The following PCSK2 variants were observed in gnomAD, a reference collection of about 807,000 sequenced individuals.
PCSK2 encodes the protein neuroendocrine convertase 2.
PCSK2 carries 14 observed loss-of-function variants against 69.7 expected under a neutral mutation model. The observed-to-expected ratio is 0.20, with a 90% CI of 0.13 to 0.31. The LOEUF (loss-of-function observed/expected upper bound fraction) is 0.31, where lower values mean the gene tolerates loss of function less well. Among genes scored for constraint, PCSK2 ranks in the 10% least tolerant of loss-of-function variants. The pLI, the probability that PCSK2 is intolerant of heterozygous loss-of-function variation, is 1.00. For missense variants in PCSK2, 544 were observed against 842.5 expected (o/e 0.65, Z 4.39); for synonymous variants, 307 against 320.7 (o/e 0.96, Z 0.46).
chr20:17,265,465 A>C (rs1045296821), intron 2 of PCSK2, among the ~76,000 whole-genome samples: 3 of 152,192 alleles, frequency 2.0e-5, no homozygotes, highest in African/African-American at 7.2e-5. Context: ...TGTTTTATTG[A>C]AGGAAAAAAA....
At chr20:17,329,458 T>C (rs1325305081) in intron 2 of PCSK2, among the ~76,000 whole-genome samples, 1 of 152,264 alleles carries the variant, frequency 6.6e-6, no homozygotes, top group African/African-American at 2.4e-5. Context: ...TATAGAGTTC[T>C]ACTGTTAAAA....
At chr20:17,232,851 A>G (rs1986192253) in intron 1 of PCSK2, among the ~76,000 whole-genome samples, 1 of 152,346 alleles carries the variant, frequency 6.6e-6, no homozygotes, top group South Asian at 2.1e-4. Context: ...TTTCAATCTA[A>G]GAAGACTTTA....
Position 17,481,936 on chromosome 20 carries a change from C to G in PCSK2, c.1783C>G (p.Gln595Glu). The change falls in exon 12 of 12, where the codon CAG becomes GAG. Residue 595 changes from glutamine to glutamate, a missense_variant. Around this residue, in one of 3 missense-constraint regions of PCSK2, gnomAD observed 200 missense variants for 287.8 expected, o/e 0.69. Coordinates refer to ENST00000262545, the MANE Select transcript of PCSK2 (RefSeq NM_002594.5). ...GTGGACCCTGATGCTGCATGGCACTCAGAGTGCCCCGTACATCGACCAGGT... is the reference window on the plus strand; with the variant it reads ...GTGGACCCTGATGCTGCATGGCACTGAGAGTGCCCCGTACATCGACCAGGT... Reference protein sequence around the residue: ...KEWTLMLHGTQSAPYIDQVVR... With the variant: ...KEWTLMLHGTESAPYIDQVVR... 6.2e-7 allele frequency: 1 copy of G among 1,613,662 alleles called. No individual in the cohort carries two copies. Among genetic ancestry groups the G allele is most frequent in the Admixed American group, 1.7e-5 (1 of 60,008 alleles).
At chr20:17,307,224 A>G (rs1324565229) in intron 2 of PCSK2, among the ~76,000 whole-genome samples, 1 of 152,204 alleles carries the variant, frequency 6.6e-6, no homozygotes, top group Non-Finnish European at 1.5e-5. Context: ...ATCTCAATCA[A>G]TTTTCAGACT....
intron 11 of PCSK2, among the ~76,000 whole-genome samples, chr20:17,467,182 C>T (rs1021625507): frequency 1.3e-5 from 2 of 152,200 alleles, no homozygotes; most frequent in African/African-American, 4.8e-5. Flanking sequence ...ATCTTGACTT[C>T]ACCAACTTAG....
intron 6 of PCSK2, among the ~76,000 whole-genome samples, chr20:17,425,349 A>C (rs761931815): frequency 3.3e-5 from 5 of 152,158 alleles, no homozygotes; most frequent in African/African-American, 4.8e-5. Context: ...AAAGTCCATC[A>C]TGCACCCTGC....
At chr20:17,462,229 T>C (rs1038582555) in intron 10 of PCSK2, among the ~76,000 whole-genome samples, 18 of 151,354 alleles carry the variant, frequency 1.2e-4, no homozygotes, top group African/African-American at 4.1e-4. Context: ...AAATACTAAA[T>C]GTTTGGAGGA....
intron 5 of PCSK2, among the ~76,000 whole-genome samples, chr20:17,375,283 A>G (rs2030891074): frequency 6.6e-6 from 1 of 152,140 alleles, no homozygotes; most frequent in Non-Finnish European, 1.5e-5. Context: ...CATTAAAAGA[A>G]GAAAGGGCAA....
intron 3 of PCSK2, among the ~76,000 whole-genome samples, chr20:17,359,825 A>G (rs2030329394): frequency 6.6e-6 from 1 of 152,204 alleles, no homozygotes; most frequent in Non-Finnish European, 1.5e-5. Context: ...TCCTGGAGAA[A>G]ACCTACACAG....
intron 6 of PCSK2, among the ~76,000 whole-genome samples, chr20:17,412,735 T>C (rs2031905011): frequency 6.6e-6 from 1 of 152,100 alleles, no homozygotes; most frequent in South Asian, 2.1e-4. Flanking sequence ...CTTGTCAGAT[T>C]CACCAAAGTT....
intron 8 of PCSK2, among the ~76,000 whole-genome samples, chr20:17,452,577 C>G (rs1257887169): frequency 6.6e-6 from 1 of 152,322 alleles, no homozygotes; most frequent in Admixed American, 6.5e-5. Flanking sequence ...CACCTGGTGA[C>G]CACACAGGGA....
intron 8 of PCSK2, among the ~76,000 whole-genome samples, chr20:17,447,857 A>G (rs964497467): frequency 2.0e-5 from 3 of 152,206 alleles, no homozygotes; most frequent in Non-Finnish European, 4.4e-5. Flanking sequence ...ATTGTGAGAA[A>G]TACATTTTAA....
At chr20:17,366,590 C>T (rs1379158939) in intron 4 of PCSK2, among the ~76,000 whole-genome samples, 1 of 152,170 alleles carries the variant, frequency 6.6e-6, no homozygotes. Flanking sequence ...TGTTCAGTAC[C>T]TCCCACCTTA....
chr20:17,275,153 A>T (rs1988020149), intron 2 of PCSK2, among the ~76,000 whole-genome samples: 1 of 150,556 alleles, frequency 6.6e-6, no homozygotes, highest in Non-Finnish European at 1.5e-5. Context: ...CTTATAAAAG[A>T]GTCCCTTTCT....
intron 2 of PCSK2, among the ~76,000 whole-genome samples, chr20:17,348,639 A>C (rs1783152366): frequency 6.6e-6 from 1 of 152,178 alleles, no homozygotes; most frequent in African/African-American, 2.4e-5. Context: ...TAAAAGTCTC[A>C]GATGAAGGTG....
intron 10 of PCSK2, among the ~76,000 whole-genome samples, chr20:17,463,203 C>T (rs1251747409): frequency 6.6e-6 from 1 of 152,186 alleles, no homozygotes; most frequent in East Asian, 1.9e-4. Flanking sequence ...GGGAGCCCTT[C>T]TCCAGGCATC....
rs113517658 is a variant in PCSK2 at position 17,453,638 on chromosome 20, T to C, written c.886-104T>C. On this transcript the variant is annotated intron_variant, in intron 8 of 11. Transcript: ENST00000262545. The surrounding 1 kb of genome is among the most constrained non-coding windows in gnomAD (Gnocchi z 4.0). ...CAGTTTAAAAAGTGCACCCAGTCTT[T>C]AGGTTCAACTGCTGAAGAAGCCCAA... The C allele has an allele frequency of 8.1e-7, 1 of 1,231,204 alleles. No individual in the cohort carries two copies. The highest frequency in any genetic ancestry group is 1.1e-6 in the Non-Finnish European group (1 of 875,904). 76.3% of individuals were successfully genotyped at this position (1,231,204 alleles called of 1,614,324 possible). A position where few individuals can be genotyped will look rare whatever the true frequency, so the allele number is the denominator to read the frequency against.
intron 1 of PCSK2, among the ~76,000 whole-genome samples, chr20:17,252,876 A>C (rs1027788935): frequency 6.6e-6 from 1 of 152,264 alleles, no homozygotes; most frequent in Non-Finnish European, 1.5e-5. Context: ...AGATGCTCAA[A>C]CTTTCAAAAC....
intron 1 of PCSK2, among the ~76,000 whole-genome samples, chr20:17,249,374 G>A (rs926941241): frequency 4.6e-5 from 7 of 151,918 alleles, no homozygotes; most frequent in African/African-American, 1.7e-4. Context: ...AGGGGTGGTG[G>A]TGGGCGCCTG....
Sources: gnomAD v4.1 joint callset for allele counts (sites outside exome capture counted in the v4.1 genomes callset) on GRCh38, gnomAD v4.1.1 for gene constraint, gnomAD v4.1.1 regional missense constraint, Gnocchi (gnomAD v3.1) non-coding constraint, MANE v1.5 for transcripts, NCBI Gene and HGNC (gene_info 2026-07-23, HGNC 2026-07-21) for gene names.